The following CREB5 variants were observed in gnomAD, a reference collection of about 807,000 sequenced individuals.
The protein encoded by CREB5 is cAMP responsive element binding protein 5.
A neutral mutation model predicts 57.1 loss-of-function variants in CREB5; 19 were observed. The ratio of observed to expected loss-of-function variants is 0.33; its 90% CI spans 0.23 to 0.49. The LOEUF is 0.49. Among genes scored for constraint, CREB5 ranks in the 20% least tolerant of loss-of-function variants. The pLI is 0.99. For synonymous variants in CREB5, 238 were observed against 238.3 expected (o/e 1.00, Z 0.01); for missense variants, 579 against 671.6 (o/e 0.86, Z 1.52).
intron 5 of CREB5, among the ~76,000 whole-genome samples, chr7:28,623,819 A>G (rs1383713400): frequency 6.6e-6 from 1 of 152,212 alleles, no homozygotes. Flanking sequence ...AAGTAAGAGA[A>G]TCTTTTTGAT....
At chr7:28,696,696 C>CAT (rs535686349) in intron 5 of CREB5, among the ~76,000 whole-genome samples, 18 of 152,128 alleles carry the variant, frequency 1.2e-4, no homozygotes, top group African/African-American at 3.1e-4. Context: ...TATATGTACA[C>CAT]ATATATATAC....
At chr7:28,379,451 T>A (rs1221824569) in intron 1 of CREB5, among the ~76,000 whole-genome samples, 1 of 152,248 alleles carries the variant, frequency 6.6e-6, no homozygotes, top group East Asian at 1.9e-4. Context: ...AACAGCTAAG[T>A]TCTTTTCTAC....
chr7:28,808,110 C>G (rs1311667858), intron 8 of CREB5, among the ~76,000 whole-genome samples: 1 of 152,214 alleles, frequency 6.6e-6, no homozygotes, highest in Non-Finnish European at 1.5e-5. Flanking sequence ...CTCACACACA[C>G]ACAGTGTGAC....
intron 1 of CREB5, among the ~76,000 whole-genome samples, chr7:28,331,839 A>G (rs1785722717): frequency 7.2e-6 from 1 of 139,510 alleles, no homozygotes. Context: ...ACAGAGCAAA[A>G]CTCCATCTCA....
In CREB5 at chr7:28,821,126, A is replaced by ACGTGTGTG. The variant is rs1554304539; in HGVS notation, c.*1847_*1848insCGTGTGTG. The ACGTGTGTG allele has an allele frequency of 2.0e-5, 3 of 146,342 alleles. No individual in the cohort carries two copies. The highest frequency in any genetic ancestry group is 7.6e-5 in the African/African-American group (3 of 39,358). 9.1% of individuals were successfully genotyped at this position (146,342 alleles called of 1,614,324 possible). On this transcript the variant is annotated 3_prime_UTR_variant, in exon 11 of 11. Coordinates refer to ENST00000357727, the MANE Select transcript of CREB5 (RefSeq NM_182898.4). ...CTCCATTTGAATGCTTGACCTCTTA[A>ACGTGTGTG]TGTGTGTGTGTGTGTGTGTGTGTGT... is the stretch of plus-strand genomic sequence containing the variant.
At chr7:28,812,683 T>C (rs1313127739) in intron 9 of CREB5, among the ~76,000 whole-genome samples, 2 of 152,228 alleles carry the variant, frequency 1.3e-5, no homozygotes, top group African/African-American at 4.8e-5. Flanking sequence ...CAGTGTTCTC[T>C]GTGAAGCTGA....
At chr7:28,321,973 G>T (rs530395339) in intron 1 of CREB5, among the ~76,000 whole-genome samples, 2 of 152,168 alleles carry the variant, frequency 1.3e-5, no homozygotes, top group African/African-American at 4.8e-5. Flanking sequence ...TTAAGATGTA[G>T]AAATTGGATT....
chr7:28,415,363 C>T (rs527693707), intron 1 of CREB5, among the ~76,000 whole-genome samples: 1 of 152,310 alleles, frequency 6.6e-6, no homozygotes, highest in Admixed American at 6.5e-5. Flanking sequence ...GAAGCCTGGT[C>T]CCTGCCTCCA....
At chr7:28,474,371 T>C (rs1790970484) in intron 1 of CREB5, among the ~76,000 whole-genome samples, 1 of 152,128 alleles carries the variant, frequency 6.6e-6, no homozygotes, top group Non-Finnish European at 1.5e-5. Context: ...TCTCCCCATG[T>C]GTGGGATGTG....
intron 1 of CREB5, among the ~76,000 whole-genome samples, chr7:28,425,918 T>G (rs1201072836): frequency 6.6e-6 from 1 of 152,216 alleles, no homozygotes; most frequent in Non-Finnish European, 1.5e-5. Context: ...CTCATCCTTA[T>G]ACCAGTTCTT....
At chr7:28,723,676 A>C (rs951595475) in intron 6 of CREB5, among the ~76,000 whole-genome samples, 59 of 152,246 alleles carry the variant, frequency 3.9e-4, no homozygotes, top group African/African-American at 1.3e-3. Context: ...CACCTCTGAG[A>C]GTGTTGCTTT....
intron 1 of CREB5, among the ~76,000 whole-genome samples, chr7:28,335,408 C>T (rs984765659): frequency 2.6e-5 from 4 of 151,760 alleles, no homozygotes; most frequent in African/African-American, 7.3e-5. Flanking sequence ...AGAGATATTT[C>T]ACTTCTTTGG....
chr7:28,662,886 C>A (rs984443319), intron 5 of CREB5, among the ~76,000 whole-genome samples: 3 of 152,064 alleles, frequency 2.0e-5, no homozygotes, highest in Admixed American at 2.0e-4. Context: ...GTGGCTCACA[C>A]CTGTAATCCC....
chr7:28,694,753 C>A (rs1318865748), intron 5 of CREB5, among the ~76,000 whole-genome samples: 2 of 152,042 alleles, frequency 1.3e-5, no homozygotes, highest in African/African-American at 2.4e-5. Context: ...CCCTATGTAG[C>A]CCAGGCTAGT....
chr7:28,505,395 T>G (rs1247100289), intron 3 of CREB5, among the ~76,000 whole-genome samples: 1 of 152,238 alleles, frequency 6.6e-6, no homozygotes, highest in Non-Finnish European at 1.5e-5. Flanking sequence ...TTTAGTCACA[T>G]ATTTCTTCGG....
At chr7:28,805,859 G>T (rs1393879273) in intron 8 of CREB5, among the ~76,000 whole-genome samples, 1 of 152,134 alleles carries the variant, frequency 6.6e-6, no homozygotes, top group East Asian at 1.9e-4. Flanking sequence ...TTAAATAAGA[G>T]AATCTCTGTA....
intron 1 of CREB5, among the ~76,000 whole-genome samples, chr7:28,487,450 T>A (rs913289785): frequency 6.6e-6 from 1 of 152,228 alleles, no homozygotes; most frequent in Non-Finnish European, 1.5e-5. Flanking sequence ...GCAACCTTAA[T>A]CTGCTGTTAA....
At chr7:28,790,428 A>AGAGAGAGAGAG (rs1807597257) in intron 7 of CREB5, among the ~76,000 whole-genome samples, 1 of 115,696 alleles carries the variant, frequency 8.6e-6, no homozygotes, top group Non-Finnish European at 1.8e-5. Flanking sequence ...GAAAGAAAGA[A>AGAGAGAGAGAG]AGAGAGAGAG....
intron 1 of CREB5, among the ~76,000 whole-genome samples, chr7:28,387,996 C>G (rs983198254): frequency 2.0e-5 from 3 of 152,152 alleles, no homozygotes; most frequent in African/African-American, 2.4e-5. Context: ...TTTGCTGACT[C>G]TCAATCATGG....
Sources: gnomAD v4.1 joint callset for allele counts (sites outside exome capture counted in the v4.1 genomes callset) on GRCh38, gnomAD v4.1.1 for gene constraint, MANE v1.5 for transcripts, NCBI Gene and HGNC (gene_info 2026-07-23, HGNC 2026-07-21) for gene names.